MYO1F: variants seen among roughly 807,000 people sequenced by gnomAD.
The protein encoded by MYO1F is unconventional myosin-If.
Under a neutral mutation model 146.6 loss-of-function variants are expected in MYO1F, and 60 were observed. The observed-to-expected ratio is 0.41, with a 90% CI of 0.33 to 0.51. MYO1F has a LOEUF of 0.51. Ranked by LOEUF, MYO1F falls within the 20% of genes least tolerant of loss-of-function variation. The probability of loss-of-function intolerance (pLI) is 0.25; values close to 1 mark genes in which losing one functional copy is unlikely to be tolerated. For synonymous variants in MYO1F, 602 were observed against 602.1 expected, an observed-to-expected ratio of 1.00 and a Z score of 0.00; for missense variants, 1,274 against 1,534.3, an observed-to-expected ratio of 0.83 and a Z score of 2.83.
chr19:8,524,458 G>C (rs1262766866), intron 25 of MYO1F, among the ~76,000 whole-genome samples: 1 of 149,142 alleles, frequency 6.7e-6, no homozygotes, highest in South Asian at 2.1e-4. Context: ...GGTAGCACAC[G>C]CCTGTAGTCC....
At chr19:8,536,078 T>C (rs943064100) in intron 19 of MYO1F, among the ~76,000 whole-genome samples, 174 bp downstream of exon 19, 1 of 152,116 alleles carries the variant, frequency 6.6e-6, no homozygotes, top group Non-Finnish European at 1.5e-5. Context: ...TCTCAACCTC[T>C]ATCTCAGTTT....
At chr19:8,543,654 C>CTGG (rs1266851158) in intron 14 of MYO1F, among the ~76,000 whole-genome samples, 8 of 87,580 alleles carry the variant, frequency 9.1e-5, no homozygotes, top group East Asian at 3.7e-4. Context: ...GGTGGTGGTG[C>CTGG]TGGTGGTGGT....
intron 16 of MYO1F, among the ~76,000 whole-genome samples, chr19:8,539,199 G>C (rs564459063): frequency 6.6e-6 from 1 of 152,128 alleles, no homozygotes; most frequent in Non-Finnish European, 1.5e-5. Flanking sequence ...CGGATCACCT[G>C]AGGTCGGGAG....
rs745825629 is a variant in MYO1F at position 8,525,483 on chromosome 19, G to C, written c.2850C>G (p.Pro950=). 6.8e-6 allele frequency: 11 copies of C among 1,612,358 alleles called. No homozygotes were observed. Among genetic ancestry groups the C allele is most frequent in the East Asian group, 2.2e-5 (1 of 44,876 alleles). ...GCAAGGGACGCAGCTCCTCACCTCT[G>C]GGGGGCGCAGGGGCCGCCCGGGTAG... The part of the protein sequence containing the change: ...QAPTRAAPAP[P]RGMDRNGVPP... The change falls in exon 25 of 28, where the codon CCC becomes CCG. Residue 950 remains proline, a synonymous_variant. Coordinates refer to ENST00000644032, the MANE Select transcript of MYO1F (RefSeq NM_012335.4).
At chr19:8,524,202 C>T (rs761935761) in intron 25 of MYO1F, among the ~76,000 whole-genome samples, 5 of 150,776 alleles carry the variant, frequency 3.3e-5, no homozygotes, top group Admixed American at 6.6e-5. Flanking sequence ...GGGTGGATCA[C>T]GAGGTCAGGA....
rs745930357 is a variant in MYO1F, at chr19:8,526,609, G to A, written c.2622-8C>T. ...TTCACCCGAAACTGTAGTCTATGGG[G>A]AGAGAAGAAAGCTTGGGGGCGCTGG... On this transcript the variant is annotated splice_polypyrimidine_tract_variant and splice_region_variant and intron_variant, in intron 23 of 27. Transcript: ENST00000644032. 1.1e-5 allele frequency: 18 copies of A among 1,590,722 alleles called. No individual in the cohort carries two copies. In the African/African-American group the frequency reaches 2.1e-4, roughly 19 times the overall value.
At chr19:8,547,985 C>CA in intron 12 of MYO1F, 51 bp downstream of exon 12, 15 of 1,278,324 alleles carry the variant, frequency 1.2e-5, no homozygotes, top group Admixed American at 8.5e-5. Flanking sequence ...ATGGTCCTTC[C>CA]ACCCCACCCC....
intron 21 of MYO1F, among the ~76,000 whole-genome samples, chr19:8,527,845 T>G (rs1339950035): frequency 1.3e-5 from 2 of 152,174 alleles, no homozygotes; most frequent in African/African-American, 4.8e-5. Context: ...GCTCCTGATC[T>G]CAAGCAAACT....
At chr19:8,525,937 C>T (rs1167813045) in intron 24 of MYO1F, among the ~76,000 whole-genome samples, 1 of 152,154 alleles carries the variant, frequency 6.6e-6, no homozygotes, top group Admixed American at 6.6e-5. Flanking sequence ...CTGGTCCAGC[C>T]TGCTGGCCCC....
At chr19:8,562,967 G>A (rs750640804) in intron 1 of MYO1F, among the ~76,000 whole-genome samples, 10 of 151,716 alleles carry the variant, frequency 6.6e-5, no homozygotes, top group Admixed American at 3.3e-4. Flanking sequence ...TTCTTGGACC[G>A]CTGACCTTAG....
chr19:8,526,916 A>G lies in MYO1F; in HGVS notation c.2494T>C (p.Phe832Leu), dbSNP rs1204345905. 1 of 1,613,992 alleles carries G rather than the reference A, an allele frequency of 6.2e-7. No individual in the cohort carries two copies. Among genetic ancestry groups the G allele is most frequent in the Admixed American group, 1.7e-5 (1 of 59,992 alleles). The change falls in exon 23 of 28, where the codon TTC becomes CTC. Residue 832 changes from phenylalanine (F) to leucine (L), a missense_variant. Phe to Leu is a conservative substitution (Grantham distance 22). Around this residue, in one of 2 missense-constraint regions of MYO1F, gnomAD observed 374 missense variants for 379.2 expected, o/e 0.99. Transcript: ENST00000644032. The part of the protein sequence containing the change: ...VSLSTRQDDF[F>L]ILQEDAADSF... ...TCGGCGGCATCCTCTTGGAGGATGA[A>G]GAAGTCGTCCTGTCGCGTGCTGGGG...
intron 6 of MYO1F, 41 bp downstream of exon 6, chr19:8,553,098 C>T (rs1170760259): frequency 6.3e-6 from 10 of 1,578,788 alleles, no homozygotes; most frequent in East Asian, 2.2e-5. Flanking sequence ...AAGGTCAGCA[C>T]GGAGGGAGCA....
In MYO1F at chr19:8,530,090, T is replaced by C; in HGVS notation, c.2328+106A>G. 1 of 1,476,494 alleles carries C rather than the reference T, an allele frequency of 6.8e-7. No individual in the cohort carries two copies. The highest frequency in any genetic ancestry group is 9.4e-7 in the Non-Finnish European group (1 of 1,061,326). 91.5% of individuals were successfully genotyped at this position (1,476,494 alleles called of 1,614,324 possible). ...GAGGGTGTACCTGTGATGGAACAGATGGATCTAGGCTGGGGGATATCTGGC... is the reference window on the plus strand; with the variant it reads ...GAGGGTGTACCTGTGATGGAACAGACGGATCTAGGCTGGGGGATATCTGGC... On this transcript the variant is annotated intron_variant, in intron 21 of 27. Coordinates refer to ENST00000644032, the MANE Select transcript of MYO1F (RefSeq NM_012335.4). The surrounding 1 kb of genome is among the most constrained non-coding windows in gnomAD (Gnocchi z 5.8).
At chr19:8,542,173 C>T (rs558503644) in intron 14 of MYO1F, among the ~76,000 whole-genome samples, 182 bp from the exon 15 acceptor site, 85 of 145,168 alleles carry the variant, frequency 5.9e-4, no homozygotes, top group South Asian at 2.2e-4. Flanking sequence ...GGATGGGGGG[C>T]GGGCTTCCTG....
chr19:8,529,214 G>A (rs1972385330), intron 21 of MYO1F, among the ~76,000 whole-genome samples: 2 of 152,144 alleles, frequency 1.3e-5, no homozygotes, highest in South Asian at 4.1e-4. Context: ...ATCTCAGTGT[G>A]TACCTGCCAC....
In MYO1F at chr19:8,548,285, T is replaced by C; in HGVS notation, c.1134A>G (p.Glu378=). The C allele has an allele frequency of 1.2e-6, 2 of 1,613,802 alleles. No individual in the cohort carries two copies. The highest frequency in any genetic ancestry group is 2.7e-5 in the African/African-American group (2 of 74,824). The part of the protein sequence containing the change: ...AINRAMQKPQ[E]EYSIGVLDIY... ...TGTCCAGCACACCGATGCTGTACTC[T>C]TCCTGGGGTTTCTGCATAGCACGGT... The change falls in exon 11 of 28, where the codon GAA becomes GAG. Residue 378 remains glutamate (E), a synonymous_variant. Coordinates refer to ENST00000644032, the MANE Select transcript of MYO1F (RefSeq NM_012335.4).
At chr19:8,547,850 C>T (rs1394182259) in intron 12 of MYO1F, 186 bp downstream of exon 12, 7 of 616,126 alleles carry the variant, frequency 1.1e-5, no homozygotes, top group Non-Finnish European at 2.9e-6. Flanking sequence ...AACTAAGAGG[C>T]ACGGTCCTTC....
In MYO1F at chr19:8,522,260, G is replaced by C. The variant is rs1312223868; in HGVS notation, c.3220+117C>G. The C allele has an allele frequency of 8.5e-6, 11 of 1,294,262 alleles. No homozygotes were observed. The Admixed American group carries it at 1.8e-4, about 21-fold the overall frequency. The allele number at this position is 1,294,262 out of a possible 1,614,324, so 80.2% of individuals were successfully genotyped here. A position where few individuals can be genotyped will look rare whatever the true frequency, so the allele number is the denominator to read the frequency against. On this transcript the variant is annotated intron_variant, in intron 27 of 27. Coordinates refer to ENST00000644032, the MANE Select transcript of MYO1F (RefSeq NM_012335.4). ...GATGGTCTCGATCTCCTGACCTCGTGATCTGCCCGCCTTGGCCTCCCAAAA... is the reference window on the plus strand; with the variant it reads ...GATGGTCTCGATCTCCTGACCTCGTCATCTGCCCGCCTTGGCCTCCCAAAA...
intron 12 of MYO1F, 66 bp downstream of exon 12, chr19:8,547,970 T>C: frequency 6.7e-7 from 1 of 1,485,538 alleles, no homozygotes; most frequent in Non-Finnish European, 9.4e-7. Context: ...TGCTAAGGGA[T>C]CCTCATGGTC....
Sources: allele counts gnomAD v4.1 joint callset (sites outside exome capture counted in the v4.1 genomes callset), GRCh38; gene constraint gnomAD v4.1.1; regional missense constraint gnomAD v4.1.1; non-coding constraint Gnocchi (gnomAD v3.1); transcripts MANE v1.5; gene names NCBI Gene and HGNC (gene_info 2026-07-23, HGNC 2026-07-21).